The following BRI3 variants were observed in gnomAD, a reference collection of about 807,000 sequenced individuals.
BRI3 encodes the protein membrane protein BRI3.
In BRI3, 6 loss-of-function variants were observed where a neutral mutation model predicts 12.8. The ratio of observed to expected loss-of-function variants is 0.47; its 90% CI spans 0.26 to 0.93. The LOEUF is 0.93. Ranked by LOEUF, BRI3 falls within the 40% of genes least tolerant of loss-of-function variation. BRI3 has a pLI of 0.15. For missense variants in BRI3, 134 were observed against 171.1 expected, an observed-to-expected ratio of 0.78 and a Z score of 1.21; for synonymous variants, 91 against 76.1, an observed-to-expected ratio of 1.20 and a Z score of -1.02.
chr7:98,305,756 C>T (rs1372776896), upstream of BRI3, among the ~76,000 whole-genome samples: 3 of 152,188 alleles, frequency 2.0e-5, no homozygotes, highest in East Asian at 5.8e-4. Flanking sequence ...GGGCCCACCT[C>T]ATGGGTCTGC....
the BRI3 span, among the ~76,000 whole-genome samples, chr7:98,318,524 C>A: frequency 3.9e-5 from 6 of 151,926 alleles, no homozygotes; most frequent in Non-Finnish European, 1.5e-5. Context: ...TTGGATCCAC[C>A]CGCCTTGGCC....
At chr7:98,287,373 G>C (rs533429395) in intron 2 of BRI3, among the ~76,000 whole-genome samples, 3 of 152,252 alleles carry the variant, frequency 2.0e-5, no homozygotes, top group African/African-American at 7.2e-5. Context: ...GCCCAGCCCT[G>C]TGCTCTGGCT....
At chr7:98,288,630 G>T (rs1799792642) in intron 2 of BRI3, among the ~76,000 whole-genome samples, 1 of 151,866 alleles carries the variant, frequency 6.6e-6, no homozygotes, top group Non-Finnish European at 1.5e-5. Context: ...GTGAGTTTGG[G>T]AAACACTGGG....
chr7:98,301,012 C>T (rs1322311436), intron 1 of BRI3, among the ~76,000 whole-genome samples: 1 of 152,180 alleles, frequency 6.6e-6, no homozygotes. Context: ...TCCACCCCTG[C>T]GTGGGTCTCA....
intron 1 of BRI3, chr7:98,306,724 T>A: frequency 2.9e-6 from 2 of 700,326 alleles, no homozygotes; most frequent in South Asian, 3.8e-5. Context: ...TTTTTTTTAA[T>A]AGAGACAGGG....
In BRI3 at chr7:98,281,906, C is replaced by A. The variant is rs781437340; in HGVS notation, c.111C>A (p.Pro37=). 6.2e-6 allele frequency: 8 copies of A among 1,297,244 alleles called. No homozygotes were observed. The highest frequency in any genetic ancestry group is 7.8e-6 in the Non-Finnish European group (8 of 1,022,996). The allele number at this position is 1,297,244 out of a possible 1,614,324, so 80.4% of individuals were successfully genotyped here. ...GCTACGGCGCCATCCCCGCCGCGCC[C>A]CCGCCGCCGCCCTACCCCTACCTCG... ...PHGYGAIPAA[P]PPPPYPYLVT... Residue 37 remains proline (P), a synonymous_variant, in exon 1 of 3, where the codon CCC becomes CCA. Transcript: ENST00000297290.
downstream of BRI3, chr7:98,294,047 G>C (rs1454950095): frequency 1.2e-6 from 2 of 1,612,284 alleles, no homozygotes; most frequent in Non-Finnish European, 1.7e-6. Context: ...GTCACACACT[G>C]AGGCTCACGT....
chr7:98,299,447 C>T (rs975866906), intron 1 of BRI3, among the ~76,000 whole-genome samples: 7 of 152,176 alleles, frequency 4.6e-5, no homozygotes, highest in Non-Finnish European at 5.9e-5. Context: ...TGTGAGCCAC[C>T]GTGCCCGGCA....
rs149329287 is a variant in BRI3 at position 98,298,927 on chromosome 7, G to A, written c.72-7556G>A. On this transcript the variant is annotated intron_variant and NMD_transcript_variant, in intron 1 of 2. Coordinates refer to the BRI3 transcript ENST00000491463. The stretch of plus-strand genomic sequence containing the variant: ...CACAATGACAGCTCACTGCAGCCTC[G>A]ACCTCCTGGGCTCAATCGATCCTCT... 3.9e-3 allele frequency among the ~76,000 whole-genome samples: 590 copies of A among 151,976 alleles called. 8 individuals carry two copies. Among genetic ancestry groups the A allele is most frequent in the African/African-American group, 0.013 (559 of 41,504 alleles).
Position 98,282,339 on chromosome 7 carries a change from T to G in BRI3, c.143-12T>G. On this transcript the variant is annotated splice_polypyrimidine_tract_variant and intron_variant, in intron 1 of 2. Transcript: ENST00000297290. ...CTCCCTGCACCCTAATGACCTGCTT[T>G]CCCGCCCACAGGGATACCCACCCAC... 6.2e-7 allele frequency: 1 copy of G among 1,608,632 alleles called. No individual in the cohort carries two copies. The highest frequency in any genetic ancestry group is 8.5e-7 in the Non-Finnish European group (1 of 1,175,142).
chr7:98,314,655 A>G (rs969030879), downstream of BRI3, among the ~76,000 whole-genome samples: 4 of 152,160 alleles, frequency 2.6e-5, no homozygotes, highest in African/African-American at 9.7e-5. Context: ...AGAGGAATGA[A>G]CGCATCACTG....
At chr7:98,291,598 C>T (rs1396400384), downstream of BRI3, 7 of 974,874 alleles carry the variant, frequency 7.2e-6, no homozygotes, top group East Asian at 8.1e-5. Context: ...ATCGCTCCCC[C>T]GGCCAGTCCT....
At chr7:98,300,146 A>G (rs1025219725) in intron 1 of BRI3, among the ~76,000 whole-genome samples, 1 of 152,158 alleles carries the variant, frequency 6.6e-6, no homozygotes, top group Non-Finnish European at 1.5e-5. Flanking sequence ...TGGCTGCTGG[A>G]CTGGGCAGGG....
chr7:98,307,978 CCACCTGTTCT>C (rs1402542497), exon 2 of BRI3: 4 of 1,322,390 alleles, frequency 3.0e-6, no homozygotes. Context: ...CCCCAGGAAT[CCACCTGTTCT>C]CATCTTGCCA....
Position 98,282,356 on chromosome 7 carries a change from C to A in BRI3, c.148C>A (p.Pro50Thr). Reference sequence around the variant, plus strand: ...ACCTGCTTTCCCGCCCACAGGGATACCCACCCACCATCCCAGGGTCTACAA... The same window carrying A: ...ACCTGCTTTCCCGCCCACAGGGATAACCACCCACCATCCCAGGGTCTACAA... ...PPYPYLVTGIPTHHPRVYNIH... is the reference protein window; with the variant it reads ...PPYPYLVTGITTHHPRVYNIH... Residue 50 changes from proline (P) to threonine (T), a missense_variant, in exon 2 of 3, where the codon CCC (proline) becomes ACC (threonine). Pro to Thr is a conservative substitution (Grantham distance 38). Coordinates refer to ENST00000297290, the MANE Select transcript of BRI3 (RefSeq NM_015379.5). 1 of 1,613,596 alleles carries A rather than the reference C, an allele frequency of 6.2e-7. No homozygotes were observed. Among genetic ancestry groups the A allele is most frequent in the South Asian group, 1.1e-5 (1 of 91,078 alleles).
chr7:98,308,641 A>C, exon 2 of BRI3: 13 of 210,394 alleles, frequency 6.2e-5, no homozygotes, highest in South Asian at 1.6e-4. Context: ...TGATATTTCC[A>C]CTCCAGGGGA....
At chr7:98,289,689 G>T (rs1011067010) in intron 2 of BRI3, among the ~76,000 whole-genome samples, 16 of 152,240 alleles carry the variant, frequency 1.1e-4, no homozygotes, top group Non-Finnish European at 7.3e-5. Context: ...GAAGGAGCCC[G>T]TTGGGGTCTG....
At chr7:98,291,002 A>G (rs1799922844) in intron 2 of BRI3, 109 bp from the exon 3 acceptor site, 2 of 1,290,562 alleles carry the variant, frequency 1.5e-6, no homozygotes, top group South Asian at 1.3e-5. Flanking sequence ...AGAGGTCCCC[A>G]TGTGACTCAT....
At chr7:98,312,088 G>A (rs758421945), downstream of BRI3, 35 of 1,583,200 alleles carry the variant, frequency 2.2e-5, 1 homozygote, top group Middle Eastern at 5.1e-4. Flanking sequence ...AGAGAAAACT[G>A]GCTCCTACCA....
Sources: allele counts gnomAD v4.1 joint callset (sites outside exome capture counted in the v4.1 genomes callset), GRCh38; gene constraint gnomAD v4.1.1; transcripts MANE v1.5; gene names NCBI Gene and HGNC (gene_info 2026-07-23, HGNC 2026-07-21).